AFTPH: variants seen among roughly 807,000 people sequenced by gnomAD.
The protein encoded by AFTPH is aftiphilin, also known as aftiphilin protein.
In AFTPH, 7 loss-of-function variants were observed where a neutral mutation model predicts 72.5. The observed-to-expected ratio is 0.10, with a 90% CI of 0.05 to 0.18. The LOEUF (loss-of-function observed/expected upper bound fraction) is 0.18, where lower values mean the gene tolerates loss of function less well. Among genes scored for constraint, AFTPH ranks in the 10% least tolerant of loss-of-function variants. AFTPH has a pLI of 1.00. For missense variants in AFTPH, 979 were observed against 1,060.5 expected (o/e 0.92, Z 1.07); for synonymous variants, 337 against 370.1 (o/e 0.91, Z 1.03).
At chr2:64,577,115 A>G (rs566683543) in intron 6 of AFTPH, among the ~76,000 whole-genome samples, 327 of 152,342 alleles carry the variant, frequency 2.1e-3, no homozygotes, top group Non-Finnish European at 3.4e-3. Flanking sequence ...AAAACCATGT[A>G]TTAGTGGTAC....
chr2:64,550,521 A>G (rs1434602832), intron 1 of AFTPH, among the ~76,000 whole-genome samples: 1 of 152,196 alleles, frequency 6.6e-6, no homozygotes, highest in East Asian at 1.9e-4. Flanking sequence ...AATTATAATG[A>G]TGTAGAATAG....
intron 1 of AFTPH, among the ~76,000 whole-genome samples, chr2:64,532,310 G>A (rs13400904): frequency 0.11 from 16,417 of 152,030 alleles, 2,444 homozygotes; most frequent in African/African-American, 0.33. Flanking sequence ...TGGAGAGAGA[G>A]GAATGGTTTA....
intron 5 of AFTPH, among the ~76,000 whole-genome samples, chr2:64,571,136 A>G (rs1372132492): frequency 6.6e-6 from 1 of 152,052 alleles, no homozygotes; most frequent in Admixed American, 6.6e-5. Flanking sequence ...GAGATGTTCA[A>G]TAATCTTTTG....
chr2:64,532,545 G>C (rs949835230), intron 1 of AFTPH, among the ~76,000 whole-genome samples: 1 of 152,160 alleles, frequency 6.6e-6, no homozygotes, highest in African/African-American at 2.4e-5. Context: ...ATTTGTTACA[G>C]ATATTAAAGG....
chr2:64,571,270 C>G (rs1461507115), intron 5 of AFTPH, among the ~76,000 whole-genome samples: 1 of 147,042 alleles, frequency 6.8e-6, no homozygotes, highest in Non-Finnish European at 1.5e-5. Flanking sequence ...GCCCCCCACC[C>G]CCCTGTTTCT....
rs61074193 is a variant in AFTPH at position 64,550,984 on chromosome 2, T to C, written c.-32-459T>C. Among the ~76,000 whole-genome samples the C allele has an allele frequency of 4.7e-3, 719 of 152,310 alleles. 5 individuals are homozygous for C. The highest frequency in any genetic ancestry group is 0.017 in the African/African-American group (693 of 41,558). ...AAAAGCCAAGTGAAGAAAATATTTG[T>C]AACAATTATTACTGATAAAATTTTG... On this transcript the variant is annotated intron_variant, in intron 1 of 8. Transcript: ENST00000238856.
chr2:64,573,188 T>C (rs1402732079), intron 6 of AFTPH, 120 bp downstream of exon 6: 4 of 738,262 alleles, frequency 5.4e-6, no homozygotes, highest in African/African-American at 1.8e-5. Flanking sequence ...CTTGATTTAA[T>C]GATGGACATG....
chr2:64,529,389 T>G (rs995508074), intron 1 of AFTPH, among the ~76,000 whole-genome samples: 2 of 152,022 alleles, frequency 1.3e-5, no homozygotes, highest in Non-Finnish European at 2.9e-5. Flanking sequence ...TAGCCACATT[T>G]TACTTCAGTG....
At chr2:64,583,061 A>G (rs775376681) in intron 7 of AFTPH, among the ~76,000 whole-genome samples, 2 of 152,098 alleles carry the variant, frequency 1.3e-5, no homozygotes, top group Non-Finnish European at 2.9e-5. Flanking sequence ...TTTGATTACT[A>G]TATATTTGCT....
At chr2:64,531,658 G>A (rs187003015) in intron 1 of AFTPH, among the ~76,000 whole-genome samples, 28 of 152,184 alleles carry the variant, frequency 1.8e-4, no homozygotes, top group African/African-American at 6.7e-4. Context: ...AATGAAACTA[G>A]CCCAAATTAA....
intron 6 of AFTPH, among the ~76,000 whole-genome samples, chr2:64,578,546 C>T (rs1185709423): frequency 7.0e-6 from 1 of 143,738 alleles, no homozygotes; most frequent in African/African-American, 2.8e-5. Context: ...ATTTAAACCC[C>T]TGGAATAGTG....
chr2:64,554,855 G>A (rs1170587027), intron 2 of AFTPH, among the ~76,000 whole-genome samples: 1 of 152,176 alleles, frequency 6.6e-6, no homozygotes, highest in Non-Finnish European at 1.5e-5. Flanking sequence ...CACTGGTATT[G>A]GGTGATCTTT....
intron 1 of AFTPH, among the ~76,000 whole-genome samples, chr2:64,525,359 A>G (rs11899438): frequency 0.11 from 17,364 of 152,124 alleles, 2,772 homozygotes; most frequent in African/African-American, 0.35. Context: ...TAATGGGGAT[A>G]GCAAGGTTTT....
intron 2 of AFTPH, among the ~76,000 whole-genome samples, 157 bp from the exon 3 acceptor site, chr2:64,567,405 A>G (rs1489762277): frequency 6.6e-6 from 1 of 152,150 alleles, no homozygotes; most frequent in Non-Finnish European, 1.5e-5. Flanking sequence ...TGATTGTTTC[A>G]TGAGTAGTTG....
At chr2:64,573,062 G>A in exon 6 of AFTPH, 1 of 1,613,570 alleles carries the variant, frequency 6.2e-7, no homozygotes, top group South Asian at 1.1e-5. Flanking sequence ...CATCTGATCA[G>A]TTCCAGGTAA....
At chr2:64,565,548 T>A (rs1672027805) in intron 2 of AFTPH, among the ~76,000 whole-genome samples, 1 of 151,832 alleles carries the variant, frequency 6.6e-6, no homozygotes, top group African/African-American at 2.4e-5. Flanking sequence ...CTCCCTGTGT[T>A]GGGCAATGCT....
chr2:64,557,129 T>C (rs1454195943), intron 2 of AFTPH, among the ~76,000 whole-genome samples: 1 of 152,206 alleles, frequency 6.6e-6, no homozygotes, highest in South Asian at 2.1e-4. Context: ...TTAACTTTTT[T>C]GTTTCAGAAA....
intron 1 of AFTPH, chr2:64,525,583 C>G (rs1020111100): frequency 6.5e-6 from 1 of 154,056 alleles, no homozygotes; most frequent in Non-Finnish European, 1.5e-5. Flanking sequence ...CCTTCCACCT[C>G]CTATTCCGAG....
chr2:64,567,811 G>T (rs7598893), intron 3 of AFTPH, 98 bp downstream of exon 3: 2 of 1,347,998 alleles, frequency 1.5e-6, no homozygotes, highest in East Asian at 5.1e-5. Flanking sequence ...CAGGCCAGGC[G>T]CAGTGGATCA....
Sources: allele counts gnomAD v4.1 joint callset (sites outside exome capture counted in the v4.1 genomes callset), GRCh38; gene constraint gnomAD v4.1.1; transcripts MANE v1.5; gene names NCBI Gene and HGNC (gene_info 2026-07-23, HGNC 2026-07-21).